Variants in NAV3 observed in about 807,000 individuals in gnomAD.
NAV3 encodes the protein pore membrane and/or filament interacting like protein 1.
Under a neutral mutation model 244.7 loss-of-function variants are expected in NAV3, and 87 were observed. The observed-to-expected ratio is 0.36, with a 90% CI of 0.30 to 0.42. The LOEUF (loss-of-function observed/expected upper bound fraction) is 0.42, where lower values mean the gene tolerates loss of function less well. NAV3 is among the 20% of genes least tolerant of loss of function. The pLI is 1.00. For synonymous variants in NAV3, 1,126 were observed against 1,042.2 expected, an observed-to-expected ratio of 1.08 and a Z score of -1.55; for missense variants, 2,663 against 2,893.3, an observed-to-expected ratio of 0.92 and a Z score of 1.83.
chr12:77,944,260 G>A (rs1890130221), intron 3 of NAV3, among the ~76,000 whole-genome samples: 1 of 152,096 alleles, frequency 6.6e-6, no homozygotes, highest in Admixed American at 6.6e-5. Flanking sequence ...GAAGACTTTG[G>A]AAGATGTTTA....
At chr12:77,871,911 A>G (rs1472899136) in intron 1 of NAV3, among the ~76,000 whole-genome samples, 1 of 152,176 alleles carries the variant, frequency 6.6e-6, no homozygotes, top group Non-Finnish European at 1.5e-5. Context: ...CCAACAGTGT[A>G]AAAGCATTCT....
intron 8 of NAV3, 77 bp downstream of exon 8, chr12:78,007,522 G>T: frequency 6.9e-7 from 1 of 1,439,720 alleles, no homozygotes; most frequent in East Asian, 2.3e-5. Context: ...AGGGAAGGCT[G>T]ATAAAGTGGT....
chr12:77,860,328 G>A (rs1879077268), intron 1 of NAV3, among the ~76,000 whole-genome samples: 1 of 149,954 alleles, frequency 6.7e-6, no homozygotes, highest in East Asian at 1.9e-4. Flanking sequence ...TTTTATGTTT[G>A]TATTTTATTT....
In NAV3 at chr12:78,179,563, A is replaced by G; in HGVS notation, c.5398A>G (p.Ile1800Val). 6.2e-7 allele frequency: 1 copy of G among 1,613,336 alleles called. No individual in the cohort carries two copies. The highest frequency in any genetic ancestry group is 8.5e-7 in the Non-Finnish European group (1 of 1,179,524). The change falls in exon 29 of 40, where the codon ATT becomes GTT. Residue 1800 changes from isoleucine (I) to valine (V), a missense_variant. By Grantham distance (29) the Ile-to-Val change is conservative. Transcript: ENST00000397909. ...ATGCACAGAAGCTGAGGCAGAGATA[A>G]TTCTGCAGCTGAAGAGCGAGCTCAG... is the stretch of plus-strand genomic sequence containing the variant. ...CECTEAEAEI[I>V]LQLKSELREK... is the part of the protein sequence containing the mutation.
At chr12:78,133,405 A>G (rs1417108663) in intron 18 of NAV3, among the ~76,000 whole-genome samples, 3 of 151,044 alleles carry the variant, frequency 2.0e-5, no homozygotes, top group South Asian at 2.1e-4. Context: ...TTAAATATAT[A>G]TATATATACT....
chr12:77,764,463 C>A (rs1259090200), intron 2 of NAV3, among the ~76,000 whole-genome samples: 1 of 152,138 alleles, frequency 6.6e-6, no homozygotes, highest in Middle Eastern at 3.2e-3. Flanking sequence ...TAGGTTTGAA[C>A]AATTTTGATT....
chr12:78,049,619 T>C (rs193256037), intron 9 of NAV3, among the ~76,000 whole-genome samples: 1 of 152,290 alleles, frequency 6.6e-6, no homozygotes, highest in African/African-American at 2.4e-5. Context: ...TGTGTTGATC[T>C]CACTGGGAGC....
At chr12:77,764,081 T>G (rs922798327) in intron 2 of NAV3, among the ~76,000 whole-genome samples, 5 of 152,216 alleles carry the variant, frequency 3.3e-5, no homozygotes, top group African/African-American at 1.2e-4. Flanking sequence ...CATCTTTTCT[T>G]TCCACTAAAT....
At chr12:77,671,049 A>T (rs1873947912) in intron 2 of NAV3, among the ~76,000 whole-genome samples, 2 of 152,110 alleles carry the variant, frequency 1.3e-5, no homozygotes, top group Admixed American at 6.5e-5. Context: ...CTAAAGACTC[A>T]TCCAGAAAGC....
intron 2 of NAV3, among the ~76,000 whole-genome samples, chr12:77,574,110 G>T (rs1868964177): frequency 6.6e-6 from 1 of 152,116 alleles, no homozygotes; most frequent in South Asian, 2.1e-4. Flanking sequence ...GGCACAGGAA[G>T]ACCCCCATCT....
At chr12:77,678,651 T>C (rs140945228) in intron 2 of NAV3, among the ~76,000 whole-genome samples, 170 of 152,314 alleles carry the variant, frequency 1.1e-3, no homozygotes, top group African/African-American at 3.7e-3. Flanking sequence ...AGCTCAATTG[T>C]AGGAAGGCTG....
At chr12:77,710,156 T>A (rs1163459069) in intron 2 of NAV3, among the ~76,000 whole-genome samples, 1 of 152,206 alleles carries the variant, frequency 6.6e-6, no homozygotes, top group Non-Finnish European at 1.5e-5. Flanking sequence ...TTCTTTTAAA[T>A]ACCCAGCTGT....
rs1258418981 is a variant in NAV3, at chr12:77,915,605, CTA to C, written c.244-24712_244-24711del. 4.6e-5 allele frequency among the ~76,000 whole-genome samples: 7 copies of C among 151,996 alleles called. No individual in the cohort carries two copies. In the East Asian group the frequency reaches 1.4e-3, roughly 30 times the overall value. ...TTAGCATATTTTTAATGTAATTTTG[CTA>C]TGTTATACCTGCAAAATTTTGTCAG... On this transcript the variant is annotated intron_variant, in intron 1 of 39. Transcript: ENST00000397909.
intron 22 of NAV3, among the ~76,000 whole-genome samples, chr12:78,152,895 G>T (rs1432545200): frequency 2.6e-5 from 4 of 152,050 alleles, no homozygotes; most frequent in Middle Eastern, 3.4e-3. Context: ...CCCCCACAGT[G>T]AGAAATTGTT....
chr12:78,043,543 C>T (rs907594515), intron 9 of NAV3, among the ~76,000 whole-genome samples: 4 of 152,144 alleles, frequency 2.6e-5, no homozygotes, highest in African/African-American at 4.8e-5. Flanking sequence ...TATATACTCC[C>T]ACCGACAGTG....
intron 22 of NAV3, among the ~76,000 whole-genome samples, chr12:78,151,892 T>C (rs1293580858): frequency 1.3e-5 from 2 of 151,158 alleles, no homozygotes; most frequent in Non-Finnish European, 3.0e-5. Flanking sequence ...TATTAAAATG[T>C]ATAAAATAAT....
At chr12:77,971,571 A>G (rs1045165033) in intron 5 of NAV3, among the ~76,000 whole-genome samples, 5 of 152,174 alleles carry the variant, frequency 3.3e-5, no homozygotes, top group African/African-American at 9.6e-5. Context: ...AAAAGGCCAC[A>G]ATGATAATAT....
rs1217730225 is a variant in NAV3, at chr12:78,059,182, G to T, written c.2636+67G>T. On this transcript the variant is annotated intron_variant, in intron 12 of 39. Coordinates refer to ENST00000397909, the MANE Select transcript of NAV3 (RefSeq NM_001024383.2). ...TAATTTTATAAATAAGAAAATAACAGAAAACTCCTATTAAACAGTGTAAAT... is the reference window on the plus strand; with the variant it reads ...TAATTTTATAAATAAGAAAATAACATAAAACTCCTATTAAACAGTGTAAAT... The T allele has an allele frequency of 3.4e-6, 5 of 1,476,472 alleles. No homozygotes were observed. In the African/African-American group the frequency reaches 7.2e-5, roughly 21 times the overall value. 91.5% of individuals were successfully genotyped at this position (1,476,472 alleles called of 1,614,324 possible).
intron 2 of NAV3, among the ~76,000 whole-genome samples, chr12:77,818,718 A>G (rs1872616559): frequency 6.6e-6 from 1 of 152,110 alleles, no homozygotes; most frequent in Non-Finnish European, 1.5e-5. Flanking sequence ...GGAAACGCAT[A>G]ACAAATTACC....
Sources: allele counts gnomAD v4.1 joint callset (sites outside exome capture counted in the v4.1 genomes callset), GRCh38; gene constraint gnomAD v4.1.1; transcripts MANE v1.5; gene names NCBI Gene and HGNC (gene_info 2026-07-23, HGNC 2026-07-21).